The following DENND4A variants were observed in gnomAD, a reference collection of about 807,000 sequenced individuals.
The protein encoded by DENND4A is C-myc promoter-binding protein.
DENND4A carries 70 observed loss-of-function variants against 199.3 expected under a neutral mutation model. That is an observed-to-expected ratio of 0.35 (90% CI 0.29 to 0.43). DENND4A has a LOEUF of 0.43. Ranked by LOEUF, DENND4A falls within the 20% of genes least tolerant of loss-of-function variation. DENND4A has a pLI of 1.00. For synonymous variants in DENND4A, 686 were observed against 766.9 expected (o/e 0.89, Z 1.74); for missense variants, 1,723 against 2,255.8 (o/e 0.76, Z 4.78).
intron 14 of DENND4A, among the ~76,000 whole-genome samples, chr15:65,713,150 T>C (rs373912838): frequency 2.0e-5 from 3 of 152,220 alleles, no homozygotes; most frequent in African/African-American, 7.2e-5. Flanking sequence ...AACCTAATAA[T>C]GTTATGCCAA....
intron 23 of DENND4A, among the ~76,000 whole-genome samples, chr15:65,683,120 C>T (rs1031417174): frequency 6.6e-6 from 1 of 152,170 alleles, no homozygotes; most frequent in African/African-American, 2.4e-5. Flanking sequence ...TTGCTCAACA[C>T]AGGTTTGCCA....
chr15:65,719,521 CA>C (rs1240105837), intron 12 of DENND4A, among the ~76,000 whole-genome samples: 1 of 151,998 alleles, frequency 6.6e-6, no homozygotes, highest in East Asian at 1.9e-4. Flanking sequence ...TGGGACAAAG[CA>C]AAATAGTGTG....
At chr15:65,720,980 T>TATATATATA (rs1252582952) in intron 12 of DENND4A, among the ~76,000 whole-genome samples, 1 of 122,786 alleles carries the variant, frequency 8.1e-6, no homozygotes, top group Non-Finnish European at 1.7e-5. Context: ...TATATATATA[T>TATATATATA]ATTTGTACTT....
At chr15:65,784,183 C>T (rs1427285226) in intron 1 of DENND4A, among the ~76,000 whole-genome samples, 2 of 152,098 alleles carry the variant, frequency 1.3e-5, no homozygotes, top group Admixed American at 6.6e-5. Flanking sequence ...AAATCCCTGA[C>T]CAATACTCCT....
chr15:65,778,836 G>C (rs1351355480), intron 1 of DENND4A, among the ~76,000 whole-genome samples: 1 of 150,058 alleles, frequency 6.7e-6, no homozygotes, highest in African/African-American at 2.5e-5. Context: ...AGAGGTTGCA[G>C]TGAGCTGAGA....
At chr15:65,719,435 CAT>C (rs1257666221) in intron 12 of DENND4A, 1 of 150,744 alleles carries the variant, frequency 6.6e-6, no homozygotes, top group East Asian at 2.0e-4. Context: ...AGATAGTAAA[CAT>C]GTAATTTTAT....
chr15:65,706,475 C>T (rs1190795363), intron 14 of DENND4A, among the ~76,000 whole-genome samples: 1 of 113,412 alleles, frequency 8.8e-6, no homozygotes, highest in Non-Finnish European at 1.7e-5. Context: ...CACACACACA[C>T]ACACACACAC....
Position 65,677,979 on chromosome 15 carries a change from G to A in DENND4A, c.4180-1345C>T, listed in dbSNP as rs566971574. Among the ~76,000 whole-genome samples the A allele has an allele frequency of 3.4e-5, 5 of 145,080 alleles. No individual in the cohort carries two copies. In the East Asian group the frequency reaches 8.7e-4, roughly 25 times the overall value. Reference sequence around the variant, plus strand: ...ATTTTGGTCTGAAGCCCAGGCTGGAGTGCAGTGGCATGATCTTGGCTCAGT... The same window carrying A: ...ATTTTGGTCTGAAGCCCAGGCTGGAATGCAGTGGCATGATCTTGGCTCAGT... On this transcript the variant is annotated intron_variant, in intron 23 of 32. Transcript: ENST00000443035.
Position 65,690,439 on chromosome 15 carries a change from G to A in DENND4A, c.4155C>T (p.Phe1385=), listed in dbSNP as rs754804465. 4 of 1,594,848 alleles carry A rather than the reference G, an allele frequency of 2.5e-6. No homozygotes were observed. The South Asian group carries it at 3.4e-5, about 14-fold the overall frequency. The change falls in exon 23 of 33, where the codon TTC becomes TTT. Residue 1385 remains phenylalanine, a synonymous_variant. Transcript: ENST00000443035. ...AEKASKWYSR[F]TMYTTSSKDQ... ...CCTTAGATGATGTGGTGTACATGGTGAATCTTGAATACCATTTGCTTGCTT... is the reference window on the plus strand; with the variant it reads ...CCTTAGATGATGTGGTGTACATGGTAAATCTTGAATACCATTTGCTTGCTT...
chr15:65,682,913 C>T (rs2076630630), intron 23 of DENND4A, among the ~76,000 whole-genome samples: 1 of 152,080 alleles, frequency 6.6e-6, no homozygotes, highest in Non-Finnish European at 1.5e-5. Context: ...CAACATTTAT[C>T]GATGAAGTTT....
intron 11 of DENND4A, among the ~76,000 whole-genome samples, chr15:65,724,595 GA>G (rs541645259): frequency 1.3e-5 from 2 of 151,826 alleles, no homozygotes; most frequent in African/African-American, 2.4e-5. Flanking sequence ...AGTAAACAAA[GA>G]AAAAAGAGTG....
At chr15:65,741,586 G>C (rs1039530890) in intron 5 of DENND4A, 129 bp downstream of exon 5, 1 of 572,614 alleles carries the variant, frequency 1.7e-6, no homozygotes, top group Middle Eastern at 2.8e-4. Context: ...ACAAAAATGA[G>C]AATCAGAAGA....
At chr15:65,734,799 A>G (rs1413375468) in intron 7 of DENND4A, among the ~76,000 whole-genome samples, 1 of 152,206 alleles carries the variant, frequency 6.6e-6, no homozygotes, top group African/African-American at 2.4e-5. Flanking sequence ...TTTTTATAAT[A>G]ATAGTATGAT....
intron 11 of DENND4A, chr15:65,727,835 C>T (rs2140361339): frequency 2.5e-6 from 1 of 398,256 alleles, no homozygotes; most frequent in Admixed American, 3.5e-5. Flanking sequence ...TATAAAAAGG[C>T]TTTAAAAATA....
chr15:65,665,291 C>G, intron 30 of DENND4A, 54 bp downstream of exon 30: 1 of 1,395,548 alleles, frequency 7.2e-7, no homozygotes, highest in African/African-American at 1.4e-5. Context: ...CTATTTAAAG[C>G]TAGTAGAGAT....
At chr15:65,775,345 C>CA (rs1227725093) in intron 1 of DENND4A, among the ~76,000 whole-genome samples, 2 of 137,344 alleles carry the variant, frequency 1.5e-5, no homozygotes, top group African/African-American at 5.4e-5. Flanking sequence ...CACCCTGCCT[C>CA]AAAAAGAAAA....
intron 22 of DENND4A, among the ~76,000 whole-genome samples, chr15:65,693,872 CTTA>C (rs903354328): frequency 2.2e-4 from 34 of 151,898 alleles, no homozygotes; most frequent in African/African-American, 7.0e-4. Flanking sequence ...TTTTTTGTTT[CTTA>C]TTATAATATA....
chr15:65,687,947 T>G (rs1447482259), intron 23 of DENND4A, among the ~76,000 whole-genome samples: 1 of 152,152 alleles, frequency 6.6e-6, no homozygotes, highest in Non-Finnish European at 1.5e-5. Context: ...ATTTTGGAGG[T>G]TTCAGCCATT....
chr15:65,694,120 A>G (rs151205074), intron 22 of DENND4A, among the ~76,000 whole-genome samples: 88 of 152,332 alleles, frequency 5.8e-4, no homozygotes, highest in Middle Eastern at 3.4e-3. Flanking sequence ...ACACTCAGTA[A>G]TTCAATATGT....
Sources: allele counts gnomAD v4.1 joint callset (sites outside exome capture counted in the v4.1 genomes callset), GRCh38; gene constraint gnomAD v4.1.1; transcripts MANE v1.5; gene names NCBI Gene and HGNC (gene_info 2026-07-23, HGNC 2026-07-21).